Variants in STAC observed in about 807,000 individuals in gnomAD.
STAC encodes SH3 and cysteine-rich domain-containing protein.
In STAC, 43 loss-of-function variants were observed where a neutral mutation model predicts 48.8. The observed-to-expected ratio is 0.88, with a 90% CI of 0.69 to 1.14. The LOEUF (loss-of-function observed/expected upper bound fraction) is 1.14. Ranked by LOEUF, STAC falls within the 50% of genes most tolerant of loss-of-function variation. STAC has a pLI of 0.00. For synonymous variants in STAC, 193 were observed against 179.5 expected, an observed-to-expected ratio of 1.07 and a Z score of -0.60; for missense variants, 497 against 504.0, an observed-to-expected ratio of 0.99 and a Z score of 0.13.
At chr3:36,473,845 C>T (rs140289174) in intron 2 of STAC, among the ~76,000 whole-genome samples, 301 of 152,284 alleles carry the variant, frequency 2.0e-3, no homozygotes, top group African/African-American at 7.0e-3. Context: ...AAAGAATCAA[C>T]AAAGCCGAGA....
At chr3:36,542,993 C>T (rs1177372866) in intron 10 of STAC, among the ~76,000 whole-genome samples, 11 of 152,108 alleles carry the variant, frequency 7.2e-5, no homozygotes, top group Non-Finnish European at 1.3e-4. Context: ...TCTAACTGTA[C>T]CTGATGAGTA....
rs150887393 is a variant in STAC at position 36,528,733 on chromosome 3, G to A, written c.958G>A (p.Glu320Lys). ...DIITLLEDSN[E>K]DWWKGKIQDR... Reference sequence around the variant, plus strand: ...AATTACTCTTTTAGAGGATTCCAATGAAGACTGGTGGAAAGTAAGTGTTCC... The same window carrying A: ...AATTACTCTTTTAGAGGATTCCAATAAAGACTGGTGGAAAGTAAGTGTTCC... The change falls in exon 9 of 11, where the codon GAA becomes AAA. Residue 320 changes from glutamate to lysine, a missense_variant. Transcript: ENST00000273183. 2.5e-6 allele frequency: 4 copies of A among 1,606,082 alleles called. No homozygotes were observed. The highest frequency in any genetic ancestry group is 3.4e-6 in the Non-Finnish European group (4 of 1,176,982).
intron 1 of STAC, among the ~76,000 whole-genome samples, chr3:36,389,076 C>T (rs1699683917): frequency 6.6e-6 from 1 of 152,162 alleles, no homozygotes. Flanking sequence ...TATCCAAAAA[C>T]ATAGTATATC....
chr3:36,503,821 G>T (rs151333299), intron 6 of STAC, among the ~76,000 whole-genome samples: 57 of 152,186 alleles, frequency 3.7e-4, no homozygotes, highest in African/African-American at 1.3e-3. Context: ...TACTTCCCAA[G>T]AATAAACTAA....
At chr3:36,470,201 C>T (rs1222171821) in intron 2 of STAC, among the ~76,000 whole-genome samples, 1 of 152,156 alleles carries the variant, frequency 6.6e-6, no homozygotes, top group Non-Finnish European at 1.5e-5. Flanking sequence ...TAGACTATGT[C>T]AGAGGGGAGA....
At chr3:36,415,623 C>T (rs975168789) in intron 1 of STAC, among the ~76,000 whole-genome samples, 10 of 152,184 alleles carry the variant, frequency 6.6e-5, no homozygotes, top group South Asian at 2.1e-4. Flanking sequence ...ACCCACTGTC[C>T]GGCACCCACT....
At position 36,434,114 on chromosome 3, in the gene STAC, G is replaced by A. The variant is rs55860050; in HGVS notation, c.112-9250G>A. Among the ~76,000 whole-genome samples the A allele has an allele frequency of 6.6e-3, 1,003 of 152,282 alleles. 6 individuals are homozygous for A. The highest frequency in any genetic ancestry group is 0.011 in the Non-Finnish European group (753 of 68,014). ...TTGAGTTCACATGTAAAATGTTAGAGGTGAATGTGGAAAGTGCTTTGACAA... is the reference window on the plus strand; with the variant it reads ...TTGAGTTCACATGTAAAATGTTAGAAGTGAATGTGGAAAGTGCTTTGACAA... On this transcript the variant is annotated intron_variant, in intron 1 of 10. Transcript: ENST00000273183.
intron 2 of STAC, among the ~76,000 whole-genome samples, chr3:36,447,367 C>T (rs936832469): frequency 6.6e-6 from 1 of 152,128 alleles, no homozygotes; most frequent in African/African-American, 2.4e-5. Flanking sequence ...TGTGAACATA[C>T]TTTAATGCTA....
chr3:36,433,243 G>A (rs1700747627), intron 1 of STAC, among the ~76,000 whole-genome samples: 1 of 152,110 alleles, frequency 6.6e-6, no homozygotes, highest in South Asian at 2.1e-4. Context: ...GGCACTTAAG[G>A]TTTATGTATC....
chr3:36,529,075 G>A, intron 10 of STAC, 90 bp downstream of exon 10: 1 of 1,254,132 alleles, frequency 8.0e-7, no homozygotes, highest in Non-Finnish European at 1.1e-6. Flanking sequence ...CTGAATGAGT[G>A]GGGTCACATT....
At chr3:36,381,604 G>A (rs1699510871) in intron 1 of STAC, among the ~76,000 whole-genome samples, 1 of 152,194 alleles carries the variant, frequency 6.6e-6, no homozygotes. Flanking sequence ...CAGGCATTTG[G>A]GGAATGTGAG....
In STAC at chr3:36,514,235, T is replaced by C. The variant is rs974573263; in HGVS notation, c.920+8401T>C. On this transcript the variant is annotated intron_variant, in intron 8 of 10. Coordinates refer to ENST00000273183, the MANE Select transcript of STAC (RefSeq NM_003149.3). ...TTTTTTTTTTTTTTTTTTTTTTTTT[T>C]CACAAAAGGACCACACCGCCCACTT... Among the ~76,000 whole-genome samples the C allele has an allele frequency of 2.3e-3, 261 of 112,080 alleles. 2 individuals carry two copies. The highest frequency in any genetic ancestry group is 6.6e-3 in the African/African-American group (211 of 31,950). The allele number at this position is 112,080 out of a possible 152,430, so 73.5% of individuals were successfully genotyped here.
At chr3:36,481,135 C>T (rs755527005) in intron 2 of STAC, among the ~76,000 whole-genome samples, 32 of 152,092 alleles carry the variant, frequency 2.1e-4, no homozygotes, top group Non-Finnish European at 4.6e-4. Flanking sequence ...GCATTCCAAG[C>T]ATATGAAGCA....
intron 2 of STAC, among the ~76,000 whole-genome samples, chr3:36,444,447 CTT>C (rs59359536): frequency 0.013 from 2,003 of 152,316 alleles, 23 homozygotes; most frequent in Non-Finnish European, 0.016. Flanking sequence ...GTTATTGCAT[CTT>C]CTCTCTACTC....
At chr3:36,445,293 TTTCTC>T (rs1349266758) in intron 2 of STAC, among the ~76,000 whole-genome samples, 1 of 152,190 alleles carries the variant, frequency 6.6e-6, no homozygotes, top group Non-Finnish European at 1.5e-5. Context: ...GCACTGCACT[TTTCTC>T]TTGTCAGAAA....
chr3:36,514,221 T>TTA (rs1698613855), intron 8 of STAC, among the ~76,000 whole-genome samples: 1 of 136,860 alleles, frequency 7.3e-6, no homozygotes, highest in Non-Finnish European at 1.6e-5. Context: ...TTTTTTTTTT[T>TTA]TTTTTTTTTT....
chr3:36,494,057 C>A (rs903874194), intron 6 of STAC, among the ~76,000 whole-genome samples: 1 of 146,570 alleles, frequency 6.8e-6, no homozygotes, highest in African/African-American at 2.5e-5. Context: ...GAGGCTGAGG[C>A]AGGAGAATGG....
intron 10 of STAC, among the ~76,000 whole-genome samples, chr3:36,532,629 C>T (rs1242370304): frequency 6.6e-6 from 1 of 152,128 alleles, no homozygotes; most frequent in Non-Finnish European, 1.5e-5. Context: ...CCCTTAATGA[C>T]AATACCCCTG....
At chr3:36,428,691 T>A (rs905924894) in intron 1 of STAC, among the ~76,000 whole-genome samples, 12 of 152,018 alleles carry the variant, frequency 7.9e-5, no homozygotes, top group Non-Finnish European at 7.4e-5. Flanking sequence ...ACAACAGGGG[T>A]GAAGGCCCTG....
Sources: gnomAD v4.1 joint callset for allele counts (sites outside exome capture counted in the v4.1 genomes callset) on GRCh38, gnomAD v4.1.1 for gene constraint, MANE v1.5 for transcripts, NCBI Gene and HGNC (gene_info 2026-07-23, HGNC 2026-07-21) for gene names.